The following ST14 variants were observed in gnomAD, a reference collection of about 807,000 sequenced individuals.
The protein encoded by ST14 is suppressor of tumorigenicity 14 protein.
ST14 carries 40 observed loss-of-function variants against 96.5 expected under a neutral mutation model. That is an observed-to-expected ratio of 0.41 (90% CI 0.32 to 0.54). The LOEUF (loss-of-function observed/expected upper bound fraction) is 0.54, where lower values mean the gene tolerates loss of function less well. ST14 is among the 20% of genes least tolerant of loss of function. ST14 has a pLI of 0.17. For synonymous variants in ST14, 506 were observed against 492.1 expected (o/e 1.03, Z -0.37); for missense variants, 1,066 against 1,188.9 (o/e 0.90, Z 1.52).
chr11:130,208,376 G>T, intron 16 of ST14, 34 bp from the exon 17 acceptor site: 1 of 1,613,626 alleles, frequency 6.2e-7, no homozygotes, highest in South Asian at 1.1e-5. Context: ...AGACCCGAGT[G>T]ACCGCGCAGT....
At chr11:130,175,449 G>A (rs529753437) in intron 1 of ST14, among the ~76,000 whole-genome samples, 19 of 151,734 alleles carry the variant, frequency 1.3e-4, no homozygotes, top group South Asian at 2.1e-4. Context: ...GCGCAATCTC[G>A]GCTCATCCCA....
chr11:130,163,779 G>A (rs986415454), intron 1 of ST14, among the ~76,000 whole-genome samples: 8 of 152,196 alleles, frequency 5.3e-5, no homozygotes, highest in Admixed American at 4.6e-4. Flanking sequence ...TCCTCGTTTA[G>A]GAGTTGAGAA....
intron 1 of ST14, among the ~76,000 whole-genome samples, chr11:130,178,801 C>T (rs373629943): frequency 7.2e-5 from 11 of 152,148 alleles, no homozygotes; most frequent in East Asian, 5.8e-4. Context: ...CGGCTGAGGG[C>T]GGCGACGGGT....
chr11:130,190,805 T>C (rs1359111957), intron 7 of ST14, 111 bp downstream of exon 7: 4 of 1,328,952 alleles, frequency 3.0e-6, no homozygotes, highest in Non-Finnish European at 4.0e-6. Context: ...CGCAGGCCAC[T>C]GCTAAACATC....
At chr11:130,194,086 T>G in intron 7 of ST14, 63 bp from the exon 8 acceptor site, 1 of 1,611,472 alleles carries the variant, frequency 6.2e-7, no homozygotes, top group Non-Finnish European at 8.5e-7. Context: ...AGAGCCTGGT[T>G]TGGGTGTGTG....
At chr11:130,163,904 G>A (rs1953021540) in intron 1 of ST14, among the ~76,000 whole-genome samples, 1 of 152,218 alleles carries the variant, frequency 6.6e-6, no homozygotes, top group Admixed American at 6.5e-5. Context: ...TTGCCACGTT[G>A]TCACCGGCTG....
intron 9 of ST14, 136 bp downstream of exon 9, chr11:130,194,873 T>G (rs1405287162): frequency 2.4e-6 from 2 of 817,068 alleles, no homozygotes; most frequent in Non-Finnish European, 4.0e-6. Flanking sequence ...TGTGTGTGTG[T>G]GTGCGTATGT....
chr11:130,194,118 T>C, intron 7 of ST14, 31 bp from the exon 8 acceptor site: 1 of 1,614,158 alleles, frequency 6.2e-7, no homozygotes, highest in African/African-American at 1.3e-5. Context: ...TTCTGTCTGC[T>C]CTTCCTAATG....
chr11:130,197,614 G>A (rs938255832), intron 11 of ST14, among the ~76,000 whole-genome samples: 3 of 152,210 alleles, frequency 2.0e-5, no homozygotes, highest in African/African-American at 7.2e-5. Flanking sequence ...GAGGGACCCT[G>A]CCAGCCCAGG....
chr11:130,196,227 A>G (rs2136216104), intron 9 of ST14, 112 bp from the exon 10 acceptor site: 2 of 801,768 alleles, frequency 2.5e-6, no homozygotes, highest in Non-Finnish European at 4.2e-6. Flanking sequence ...TGTCTTGGTG[A>G]TGGAAGGCAT....
At chr11:130,185,982 A>G (rs1953234335) in intron 1 of ST14, among the ~76,000 whole-genome samples, 1 of 152,014 alleles carries the variant, frequency 6.6e-6, no homozygotes, top group African/African-American at 2.4e-5. Context: ...TAATTTTTGT[A>G]TTGTTAGTAG....
At chr11:130,198,665 T>A in intron 14 of ST14, 44 bp downstream of exon 14, 1 of 1,552,906 alleles carries the variant, frequency 6.4e-7, no homozygotes, top group Non-Finnish European at 8.9e-7. Flanking sequence ...GCCTCGCCCC[T>A]GGAGGAGGCT....
At chr11:130,190,229 A>G in intron 6 of ST14, 81 bp downstream of exon 6, 1 of 1,568,572 alleles carries the variant, frequency 6.4e-7, no homozygotes, top group African/African-American at 1.4e-5. Flanking sequence ...TGGGGTCCCC[A>G]GAAGCATGTC....
chr11:130,171,341 C>G (rs2136203767), intron 1 of ST14, among the ~76,000 whole-genome samples: 1 of 152,290 alleles, frequency 6.6e-6, no homozygotes, highest in East Asian at 1.9e-4. Context: ...TACAAGATCT[C>G]TTATTGAAGG....
In ST14 at chr11:130,209,466, A is replaced by G. The variant is rs749131966; in HGVS notation, c.2294A>G (p.Lys765Arg). Residue 765 changes from lysine (K) to arginine (R), a missense_variant, in exon 18 of 19, where the codon AAG becomes AGG. Physicochemically the swap from Lys to Arg is conservative, Grantham distance 26 (BLOSUM62 2). Transcript: ENST00000278742. Reference protein sequence around the residue: ...YGGTGALILQKGEIRVINQTT... With the variant: ...YGGTGALILQRGEIRVINQTT... ...GGCACTGGCGCGCTGATCCTGCAAA[A>G]GGGTGAGATCCGCGTCATCAACCAG... is the stretch of plus-strand genomic sequence containing the variant. 2.3e-5 allele frequency: 37 copies of G among 1,586,454 alleles called. No individual in the cohort carries two copies. The South Asian group carries it at 3.8e-4, about 16-fold the overall frequency.
At chr11:130,194,493 G>A (rs936106617) in intron 8 of ST14, 147 bp from the exon 9 acceptor site, 88 of 1,119,388 alleles carry the variant, frequency 7.9e-5, no homozygotes, top group Middle Eastern at 2.7e-4. Context: ...TTCGGCACCC[G>A]GCACCTGGCC....
At chr11:130,205,361 C>T (rs1170113122) in intron 16 of ST14, among the ~76,000 whole-genome samples, 5 of 152,284 alleles carry the variant, frequency 3.3e-5, no homozygotes, top group South Asian at 4.1e-4. Flanking sequence ...CTCGTGACCT[C>T]GTGATCCCCC....
chr11:130,183,384 T>C (rs910789176), intron 1 of ST14, among the ~76,000 whole-genome samples: 1 of 152,206 alleles, frequency 6.6e-6, no homozygotes, highest in African/African-American at 2.4e-5. Context: ...AAACCCAGCC[T>C]GAAAGGCGAA....
At chr11:130,191,066 T>C (rs952736560) in intron 7 of ST14, among the ~76,000 whole-genome samples, 7 of 152,240 alleles carry the variant, frequency 4.6e-5, no homozygotes, top group African/African-American at 1.4e-4. Flanking sequence ...AAGACAATTT[T>C]GTTGGCGGGC....
Sources: allele counts gnomAD v4.1 joint callset (sites outside exome capture counted in the v4.1 genomes callset), GRCh38; gene constraint gnomAD v4.1.1; transcripts MANE v1.5; gene names NCBI Gene and HGNC (gene_info 2026-07-23, HGNC 2026-07-21).